NCAPD2: variants seen among roughly 807,000 people sequenced by gnomAD.
NCAPD2 encodes condensin complex subunit 1.
NCAPD2 carries 100 observed loss-of-function variants against 164.5 expected under a neutral mutation model. The observed-to-expected ratio is 0.61, with a 90% confidence interval of 0.52 to 0.72. The LOEUF is 0.72. Among genes scored for constraint, NCAPD2 ranks in the 30% least tolerant of loss-of-function variants. The probability of loss-of-function intolerance (pLI) is 0.00; values close to 1 mark genes in which losing one functional copy is unlikely to be tolerated. For synonymous variants in NCAPD2, 585 were observed against 642.6 expected (o/e 0.91, Z 1.36); for missense variants, 1,560 against 1,749.2 (o/e 0.89, Z 1.93).
At chr12:6,523,403 T>G (rs1224092559) in intron 17 of NCAPD2, 57 bp downstream of exon 17, 20 of 1,417,310 alleles carry the variant, frequency 1.4e-5, no homozygotes, top group East Asian at 1.4e-4. Flanking sequence ...TGGTTGTTTT[T>G]TTTTTTTTTT....
intron 13 of NCAPD2, among the ~76,000 whole-genome samples, chr12:6,519,589 T>C (rs552140283): frequency 1.6e-4 from 24 of 152,028 alleles, no homozygotes; most frequent in Non-Finnish European, 2.5e-4. Flanking sequence ...GAAGATAACA[T>C]GTAGACAAGC....
intron 21 of NCAPD2, 126 bp downstream of exon 21, chr12:6,526,741 T>C: frequency 6.9e-7 from 1 of 1,444,818 alleles, no homozygotes; most frequent in African/African-American, 1.4e-5. Context: ...TTGTCTAAGT[T>C]GAAGTTGGGC....
chr12:6,529,105 G>C (rs1478610420), intron 27 of NCAPD2, 66 bp downstream of exon 27: 4 of 1,409,312 alleles, frequency 2.8e-6, no homozygotes, highest in African/African-American at 1.4e-5. Context: ...AGACACACCT[G>C]TATTTGAATT....
rs1260036685 is a variant in NCAPD2 at position 6,517,905 on chromosome 12, CAACTGAAGATGTG to C, written c.1538_1550del (p.Thr513LysfsTer36). 1 of 1,614,132 alleles carries C rather than the reference CAACTGAAGATGTG, an allele frequency of 6.2e-7. No homozygotes were observed. The stretch of plus-strand genomic sequence containing the variant: ...CCTGAGCAAATTGCCAATACAGAGA[CAACTGAAGATGTG>C]AAAGGACGCATCTATCAACTGCTTG... On this transcript the variant is annotated frameshift_variant, in exon 13 of 32. Transcript: ENST00000315579. LOFTEE classifies it high-confidence loss of function.
At chr12:6,513,754 C>T (rs1315914452) in intron 6 of NCAPD2, among the ~76,000 whole-genome samples, 2 of 88,944 alleles carry the variant, frequency 2.2e-5, no homozygotes, top group East Asian at 2.5e-4. Context: ...CTCGCAATGT[C>T]GCCTGGCCTG....
chr12:6,529,450 G>A lies in NCAPD2; in HGVS notation c.3573-63G>A, dbSNP rs571083996. 9 of 1,420,978 alleles carry A rather than the reference G, an allele frequency of 6.3e-6. No individual in the cohort carries two copies. The East Asian group carries it at 2.1e-4, about 32-fold the overall frequency. 88.0% of individuals were successfully genotyped at this position (1,420,978 alleles called of 1,614,324 possible). ...GAGTGCTGGGGGAGGGTCCAGGGTTGGTCTTAGTGGATGGCAGAGCTGGCC... is the reference window on the plus strand; with the variant it reads ...GAGTGCTGGGGGAGGGTCCAGGGTTAGTCTTAGTGGATGGCAGAGCTGGCC... On this transcript the variant is annotated intron_variant, in intron 27 of 31. Coordinates refer to ENST00000315579, the MANE Select transcript of NCAPD2 (RefSeq NM_014865.4).
rs1231619080 is a variant in NCAPD2 at position 6,527,050 on chromosome 12, A to G, written c.2894A>G (p.Asp965Gly). ...GAAGAACAGGAGCACAAGACCAAAGATCCCAAGGAGAAGGTGTGTGAATGT... is the reference window on the plus strand; with the variant it reads ...GAAGAACAGGAGCACAAGACCAAAGGTCCCAAGGAGAAGGTGTGTGAATGT... ...LREEQEHKTK[D>G]PKEKNTSSET... The change falls in exon 22 of 32, where the codon GAT becomes GGT. Residue 965 changes from aspartate (D) to glycine (G), a missense_variant. Coordinates refer to ENST00000315579, the MANE Select transcript of NCAPD2 (RefSeq NM_014865.4). The G allele has an allele frequency of 6.2e-7, 1 of 1,611,702 alleles. No homozygotes were observed. Among genetic ancestry groups the G allele is most frequent in the Non-Finnish European group, 8.5e-7 (1 of 1,178,406 alleles).
Position 6,501,794 on chromosome 12 carries a change from T to C in NCAPD2, c.127+6569T>C, listed in dbSNP as rs186475869. The stretch of plus-strand genomic sequence containing the variant: ...AGTAGAAGAAATTAAGAAGCAGTCA[T>C]TGGGGCAGAAAGCGAATGAAGGAGC... On this transcript the variant is annotated intron_variant, in intron 2 of 31. Coordinates refer to ENST00000315579, the MANE Select transcript of NCAPD2 (RefSeq NM_014865.4). Among the ~76,000 whole-genome samples, 267 of 152,198 alleles carry C rather than the reference T, an allele frequency of 1.8e-3. 7 individuals are homozygous for C. In the South Asian group the frequency reaches 0.039, roughly 22 times the overall value.
chr12:6,495,366 T>G, intron 2 of NCAPD2, 141 bp downstream of exon 2: 2 of 1,066,238 alleles, frequency 1.9e-6, no homozygotes, highest in African/African-American at 1.6e-5. Flanking sequence ...TGCTGTTTTA[T>G]CCTAAAATTG....
At chr12:6,509,149 A>G (rs1297285226) in intron 2 of NCAPD2, among the ~76,000 whole-genome samples, 4 of 151,806 alleles carry the variant, frequency 2.6e-5, no homozygotes, top group Admixed American at 2.0e-4. Flanking sequence ...TCATATAACT[A>G]CTCTAAGGTG....
In NCAPD2 at chr12:6,529,554, G is replaced by C. The variant is rs748850248; in HGVS notation, c.3614G>C (p.Ser1205Thr). The change falls in exon 28 of 32, where the codon AGC becomes ACC. Residue 1205 changes from serine (S) to threonine (T), a missense_variant. Physicochemically the swap from Ser to Thr is moderately conservative, Grantham distance 58. Coordinates refer to ENST00000315579, the MANE Select transcript of NCAPD2 (RefSeq NM_014865.4). ...SYITKDKQTE[S>T]LVEKLCQRFR... ...ATCACCAAGGACAAGCAGACAGAGA[G>C]CCTGGTGGAAAAGCTGTGTCAGCGG... 6.2e-7 allele frequency: 1 copy of C among 1,614,180 alleles called. No homozygotes were observed. The highest frequency in any genetic ancestry group is 1.7e-5 in the Admixed American group (1 of 60,032).
intron 16 of NCAPD2, 99 bp downstream of exon 16, chr12:6,523,101 G>A (rs2137057000): frequency 2.0e-6 from 3 of 1,506,206 alleles, no homozygotes; most frequent in Non-Finnish European, 2.7e-6. Flanking sequence ...CTCCAGGGGA[G>A]TTCCAGATCC....
At position 6,522,115 on chromosome 12, in the gene NCAPD2, A is replaced by G. The variant is rs1176039232; in HGVS notation, c.1954+78A>G. The G allele has an allele frequency of 3.3e-5, 49 of 1,472,586 alleles. No individual in the cohort carries two copies. In the East Asian group the frequency reaches 6.7e-4, roughly 20 times the overall value. The allele number at this position is 1,472,586 out of a possible 1,614,324, so 91.2% of individuals were successfully genotyped here. On this transcript the variant is annotated intron_variant, in intron 15 of 31. Transcript: ENST00000315579. ...TTAATTTTTTAAATTTTTATTAACAATAGAGATGGGGCCTTCCTTTGTTGC... is the reference window on the plus strand; with the variant it reads ...TTAATTTTTTAAATTTTTATTAACAGTAGAGATGGGGCCTTCCTTTGTTGC...
At chr12:6,515,203 T>C (rs1946187194) in intron 9 of NCAPD2, among the ~76,000 whole-genome samples, 1 of 152,138 alleles carries the variant, frequency 6.6e-6, no homozygotes, top group Admixed American at 6.6e-5. Flanking sequence ...GATTTTTTTT[T>C]TTTCTTGGAG....
chr12:6,518,503 A>ATTTTTTTT (rs1565544079), intron 13 of NCAPD2, among the ~76,000 whole-genome samples: 1 of 30,714 alleles, frequency 3.3e-5, no homozygotes, highest in African/African-American at 2.0e-4. Flanking sequence ...GCCGTCAACA[A>ATTTTTTTT]GTTTTTTTTT....
At chr12:6,499,874 A>G (rs1946019353) in intron 2 of NCAPD2, among the ~76,000 whole-genome samples, 1 of 151,860 alleles carries the variant, frequency 6.6e-6, no homozygotes, top group South Asian at 2.1e-4. Flanking sequence ...TAATCCTAGC[A>G]CTTTGGGAAG....
chr12:6,526,892 G>A lies in NCAPD2; in HGVS notation c.2736G>A (p.Lys912=). ...ACCTTCCCTCTCCCTCTCCTCCAGA[G>A]GAGTCCCCCGCAATGCTCCCCACTT... ...EEKRTSQEDP[K]ESPAMLPTFL... Residue 912 remains lysine (K), a splice_region_variant and synonymous_variant, in exon 22 of 32, where the codon AAG becomes AAA. Coordinates refer to ENST00000315579, the MANE Select transcript of NCAPD2 (RefSeq NM_014865.4). The A allele has an allele frequency of 6.2e-7, 1 of 1,608,394 alleles. No homozygotes were observed. Among genetic ancestry groups the A allele is most frequent in the South Asian group, 1.1e-5 (1 of 90,340 alleles).
In NCAPD2 at chr12:6,528,979, T is replaced by A; in HGVS notation, c.3512T>A (p.Ile1171Asn). Reference sequence around the variant, plus strand: ...ATCTATAATCTCCTTCCAGATATCATCAGCCGCCTGTCAGACCCCGAGCTG... The same window carrying A: ...ATCTATAATCTCCTTCCAGATATCAACAGCCGCCTGTCAGACCCCGAGCTG... Reference protein sequence around the residue: ...NAIYNLLPDIISRLSDPELGV... With the variant: ...NAIYNLLPDINSRLSDPELGV... The change falls in exon 27 of 32, where the codon ATC becomes AAC. Residue 1171 changes from isoleucine to asparagine, a missense_variant. Coordinates refer to ENST00000315579, the MANE Select transcript of NCAPD2 (RefSeq NM_014865.4). The surrounding 1 kb of genome is among the most constrained non-coding windows in gnomAD (Gnocchi z 5.1). The A allele has an allele frequency of 6.2e-7, 1 of 1,613,870 alleles. No individual in the cohort carries two copies.
chr12:6,510,944 TCA>T, intron 5 of NCAPD2, 134 bp downstream of exon 5: 3 of 1,300,714 alleles, frequency 2.3e-6, no homozygotes, highest in Non-Finnish European at 3.2e-6. Context: ...CTCAAAAGTG[TCA>T]CACGTTTTCT....
Sources: allele counts gnomAD v4.1 joint callset (sites outside exome capture counted in the v4.1 genomes callset), GRCh38; gene constraint gnomAD v4.1.1; non-coding constraint Gnocchi (gnomAD v3.1); transcripts MANE v1.5; gene names NCBI Gene and HGNC (gene_info 2026-07-23, HGNC 2026-07-21).